The following DHX9 variants were observed in gnomAD, a reference collection of about 807,000 sequenced individuals.
DHX9 encodes ATP-dependent RNA helicase A.
A neutral mutation model predicts 148.7 loss-of-function variants in DHX9; 27 were observed. The ratio of observed to expected loss-of-function variants is 0.18; its 90% CI spans 0.13 to 0.25. The LOEUF is 0.25. Ranked by LOEUF, DHX9 falls within the 10% of genes least tolerant of loss-of-function variation. The pLI is 1.00. For synonymous variants in DHX9, 529 were observed against 516.6 expected (o/e 1.02, Z -0.33); for missense variants, 796 against 1,559.6 (o/e 0.51, Z 8.25).
At chr1:182,862,313 C>T (rs1011244304) in intron 12 of DHX9, among the ~76,000 whole-genome samples, 1 of 152,156 alleles carries the variant, frequency 6.6e-6, no homozygotes, top group South Asian at 2.1e-4. Context: ...ATGACATCAG[C>T]CTTAGTGTAA....
At chr1:182,877,082 C>G in intron 19 of DHX9, 179 bp downstream of exon 19, 1 of 495,234 alleles carries the variant, frequency 2.0e-6, no homozygotes, top group African/African-American at 2.0e-5. Flanking sequence ...TTGTTGATTA[C>G]TGCAAATCAG....
rs142945293 is a variant in DHX9 at position 182,856,603 on chromosome 1, T to C, written c.673+25T>C. 1.4e-5 allele frequency: 23 copies of C among 1,608,336 alleles called. No homozygotes were observed. The East Asian group carries it at 5.1e-4, about 36-fold the overall frequency. On this transcript the variant is annotated intron_variant, in intron 7 of 27. Coordinates refer to ENST00000367549, the MANE Select transcript of DHX9 (RefSeq NM_001357.5). ...AGTAAGTGTTACTGTTTCCCCAATA[T>C]TCCAAGTCTCTGTATAGAGAAGGAA...
intron 12 of DHX9, among the ~76,000 whole-genome samples, chr1:182,862,345 ATT>A (rs1421155736): frequency 1.3e-5 from 2 of 152,192 alleles, no homozygotes; most frequent in African/African-American, 4.8e-5. Context: ...AACTCACTGA[ATT>A]TTATCCTTCG....
rs1160515351 is a variant in DHX9 at position 182,887,010 on chromosome 1, T to C, written c.3462-73T>C. 5 of 1,368,480 alleles carry C rather than the reference T, an allele frequency of 3.7e-6. No homozygotes were observed. The African/African-American group carries it at 5.8e-5, about 16-fold the overall frequency. 84.8% of individuals were successfully genotyped at this position (1,368,480 alleles called of 1,614,324 possible). A position where few individuals can be genotyped will look rare whatever the true frequency, so the allele number is the denominator to read the frequency against. Reference sequence around the variant, plus strand: ...TATTAAATTTTCAAATATAACTAAATGTGTACATTTGGTAAGTCGTTGGGA... The same window carrying C: ...TATTAAATTTTCAAATATAACTAAACGTGTACATTTGGTAAGTCGTTGGGA... On this transcript the variant is annotated intron_variant, in intron 27 of 27. Transcript: ENST00000367549.
At chr1:182,840,446 C>A (rs1313115371) in intron 1 of DHX9, among the ~76,000 whole-genome samples, 1 of 151,870 alleles carries the variant, frequency 6.6e-6, no homozygotes, top group East Asian at 1.9e-4. Context: ...ACTACAGGCG[C>A]GCGCCACCAC....
At chr1:182,858,060 C>A in intron 7 of DHX9, 44 bp from the exon 8 acceptor site, 1 of 1,582,390 alleles carries the variant, frequency 6.3e-7, no homozygotes, top group Non-Finnish European at 8.6e-7. Flanking sequence ...TTTCTTTACT[C>A]AGATGATTTC....
Position 182,860,150 on chromosome 1 carries a change from A to G in DHX9, c.1298A>G (p.Asp433Gly). 1 of 1,612,624 alleles carries G rather than the reference A, an allele frequency of 6.2e-7. No individual in the cohort carries two copies. Among genetic ancestry groups the G allele is most frequent in the Non-Finnish European group, 8.5e-7 (1 of 1,179,436 alleles). ...QFILDDFIQN[D>G]RAAECNIVVT... The stretch of plus-strand genomic sequence containing the variant: ...ATTCTAGATGACTTTATCCAGAATG[A>G]CCGAGCAGCAGAGTGTAACATCGTA... The change falls in exon 12 of 28, where the codon GAC becomes GGC. Residue 433 changes from aspartate (D) to glycine (G), a missense_variant. Coordinates refer to ENST00000367549, the MANE Select transcript of DHX9 (RefSeq NM_001357.5).
chr1:182,883,065 C>A, intron 24 of DHX9, 74 bp from the exon 25 acceptor site: 1 of 1,007,072 alleles, frequency 9.9e-7, no homozygotes, highest in Admixed American at 1.8e-5. Context: ...TCTGAATTAT[C>A]TTAAATAGTT....
chr1:182,868,761 C>T (rs1648413382), intron 14 of DHX9, among the ~76,000 whole-genome samples: 1 of 152,058 alleles, frequency 6.6e-6, no homozygotes, highest in Non-Finnish European at 1.5e-5. Context: ...AGGTGATCCA[C>T]CTTCCTGGCC....
chr1:182,852,127 C>A (rs1668162298), intron 3 of DHX9, 106 bp from the exon 4 acceptor site: 2 of 626,580 alleles, frequency 3.2e-6, no homozygotes, highest in Non-Finnish European at 2.8e-6. Context: ...GGTAATATTA[C>A]AAAGAAAGGA....
intron 22 of DHX9, 149 bp from the exon 23 acceptor site, chr1:182,881,115 C>T (rs1649066924): frequency 2.9e-6 from 2 of 692,136 alleles, no homozygotes; most frequent in Non-Finnish European, 4.6e-6. Flanking sequence ...AAGAGAGCAG[C>T]TATAAAGTTC....
At chr1:182,883,062 T>C (rs1332371248) in intron 24 of DHX9, 77 bp from the exon 25 acceptor site, 1 of 976,516 alleles carries the variant, frequency 1.0e-6, no homozygotes, top group Admixed American at 1.8e-5. Flanking sequence ...TTCTCTGAAT[T>C]ATCTTAAATA....
chr1:182,856,668 GTAT>G, intron 7 of DHX9, 90 bp downstream of exon 7: 1 of 1,127,222 alleles, frequency 8.9e-7, no homozygotes, highest in Non-Finnish European at 1.3e-6. Context: ...TACAGAAGCT[GTAT>G]TATTTGAAAG....
At chr1:182,854,793 T>G (rs1668225252) in intron 6 of DHX9, among the ~76,000 whole-genome samples, 1 of 152,180 alleles carries the variant, frequency 6.6e-6, no homozygotes, top group Admixed American at 6.5e-5. Context: ...ACAGTATGTT[T>G]CTCAGCCTGC....
intron 3 of DHX9, among the ~76,000 whole-genome samples, chr1:182,850,559 C>T (rs1668120736): frequency 6.7e-6 from 1 of 149,354 alleles, no homozygotes; most frequent in African/African-American, 2.5e-5. Flanking sequence ...TGCACCATTG[C>T]ACTCCAGCCT....
intron 16 of DHX9, among the ~76,000 whole-genome samples, chr1:182,875,535 C>A (rs578061647): frequency 6.6e-6 from 1 of 152,018 alleles, no homozygotes; most frequent in African/African-American, 2.4e-5. Flanking sequence ...AGTTGGACGA[C>A]GATAGTATAG....
At chr1:182,848,048 TC>T (rs775720662) in intron 3 of DHX9, among the ~76,000 whole-genome samples, 31 of 152,326 alleles carry the variant, frequency 2.0e-4, no homozygotes, top group Admixed American at 1.5e-3. Flanking sequence ...TTTCCTCTGT[TC>T]CAGCTACAGT....
intron 3 of DHX9, 110 bp downstream of exon 3, chr1:182,843,544 T>G (rs1016294142): frequency 1.7e-6 from 2 of 1,146,100 alleles, no homozygotes; most frequent in Non-Finnish European, 1.2e-6. Flanking sequence ...ATATATCGTG[T>G]TTCGTAATGA....
At chr1:182,873,460 C>T (rs186397994) in intron 15 of DHX9, among the ~76,000 whole-genome samples, 103 of 152,286 alleles carry the variant, frequency 6.8e-4, no homozygotes, top group Non-Finnish European at 1.5e-3. Context: ...AATTCTGAAA[C>T]TGCTGTACAT....
Sources: allele counts gnomAD v4.1 joint callset (sites outside exome capture counted in the v4.1 genomes callset), GRCh38; gene constraint gnomAD v4.1.1; transcripts MANE v1.5; gene names NCBI Gene and HGNC (gene_info 2026-07-23, HGNC 2026-07-21).